Variants in RYR2 observed in about 807,000 individuals in gnomAD.
RYR2 encodes ryanodine receptor 2.
RYR2 carries 227 observed loss-of-function variants against 601.1 expected under a neutral mutation model. The ratio of observed to expected loss-of-function variants is 0.38; its 90% CI spans 0.34 to 0.42. The LOEUF (loss-of-function observed/expected upper bound fraction) is 0.42. Ranked by LOEUF, RYR2 falls within the 10% of genes least tolerant of loss-of-function variation. RYR2 has a pLI of 1.00. For synonymous variants in RYR2, 2,223 were observed against 2,175.1 expected, an observed-to-expected ratio of 1.02 and a Z score of -0.61; for missense variants, 4,646 against 6,156.5, an observed-to-expected ratio of 0.75 and a Z score of 8.21.
At chr1:237,624,714 A>T (rs1189340891) in intron 39 of RYR2, among the ~76,000 whole-genome samples, 4 of 152,174 alleles carry the variant, frequency 2.6e-5, no homozygotes, top group Non-Finnish European at 5.9e-5. Context: ...TAAGAACTTT[A>T]AAAATGGAAT....
At position 237,496,459 on chromosome 1, in the gene RYR2, A is replaced by C; in HGVS notation, c.1962-52A>C. The C allele has an allele frequency of 2.5e-6, 4 of 1,597,648 alleles. No individual in the cohort carries two copies. In the South Asian group the frequency reaches 4.5e-5, roughly 18 times the overall value. On this transcript the variant is annotated intron_variant, in intron 19 of 104. Transcript: ENST00000366574. Reference sequence around the variant, plus strand: ...GAAATTGTGAGATGTAAATGAAAACAATGAAAGGTTTTTTTGGACTTTCCT... The same window carrying C: ...GAAATTGTGAGATGTAAATGAAAACCATGAAAGGTTTTTTTGGACTTTCCT...
chr1:237,710,045 T>C (rs1409734294), intron 70 of RYR2, among the ~76,000 whole-genome samples: 1 of 152,228 alleles, frequency 6.6e-6, no homozygotes, highest in Non-Finnish European at 1.5e-5. Flanking sequence ...AAAATAAAGC[T>C]TCTTTCTACT....
chr1:237,719,057 A>G (rs931611379), intron 73 of RYR2, among the ~76,000 whole-genome samples: 5 of 152,168 alleles, frequency 3.3e-5, no homozygotes, highest in African/African-American at 1.2e-4. Flanking sequence ...TGAGCCCAAG[A>G]GTTTGAGCCT....
Position 237,319,927 on chromosome 1 carries a change from T to C in RYR2, c.169-10951T>C, listed in dbSNP as rs150043728. Among the ~76,000 whole-genome samples the C allele has an allele frequency of 5.0e-4, 76 of 152,268 alleles. No homozygotes were observed. The East Asian group carries it at 0.014, about 28-fold the overall frequency. The stretch of plus-strand genomic sequence containing the variant: ...ATGGTGCAGTGTGCATGGCATCTGC[T>C]CCAAATCAAGTGAGTTCCCTTTGAC... On this transcript the variant is annotated intron_variant, in intron 2 of 104. Transcript: ENST00000366574.
intron 1 of RYR2, among the ~76,000 whole-genome samples, chr1:237,246,414 G>A (rs1049032650): frequency 1.5e-4 from 23 of 152,066 alleles, no homozygotes; most frequent in Non-Finnish European, 2.9e-4. Context: ...TTCTTTTCTC[G>A]GTTGTTTTGT....
intron 4 of RYR2, among the ~76,000 whole-genome samples, chr1:237,362,042 T>A (rs189418359): frequency 1.3e-5 from 2 of 152,340 alleles, no homozygotes; most frequent in East Asian, 3.9e-4. Flanking sequence ...TGTTAAAATG[T>A]AGCAATAGCA....
At chr1:237,598,453 T>A (rs928882388) in intron 34 of RYR2, among the ~76,000 whole-genome samples, 4 of 152,218 alleles carry the variant, frequency 2.6e-5, no homozygotes, top group Non-Finnish European at 5.9e-5. Context: ...TAAGATGATA[T>A]CGTATATATT....
intron 1 of RYR2, among the ~76,000 whole-genome samples, chr1:237,255,103 A>G (rs1178335135): frequency 6.6e-6 from 1 of 152,218 alleles, no homozygotes; most frequent in Non-Finnish European, 1.5e-5. Context: ...AGCAATCTTC[A>G]ATGCCAACTG....
intron 63 of RYR2, among the ~76,000 whole-genome samples, chr1:237,695,339 TA>T (rs1304644036): frequency 6.6e-6 from 1 of 152,190 alleles, no homozygotes; most frequent in African/African-American, 2.4e-5. Context: ...GATGCACTGA[TA>T]TAAATACACA....
chr1:237,758,892 GT>G (rs1315707666), intron 82 of RYR2, among the ~76,000 whole-genome samples: 1 of 152,138 alleles, frequency 6.6e-6, no homozygotes, highest in African/African-American at 2.4e-5. Context: ...TTGCTTTAGC[GT>G]TTTTTTACAT....
At chr1:237,395,728 A>G (rs928947274) in intron 10 of RYR2, among the ~76,000 whole-genome samples, 1 of 151,632 alleles carries the variant, frequency 6.6e-6, no homozygotes, top group Non-Finnish European at 1.5e-5. Context: ...TTGTATTTTT[A>G]GTAGAGATGG....
intron 54 of RYR2, among the ~76,000 whole-genome samples, chr1:237,659,606 T>C (rs1173879488): frequency 6.6e-6 from 1 of 152,196 alleles, no homozygotes; most frequent in Middle Eastern, 3.2e-3. Flanking sequence ...ATAAATATCC[T>C]TGGGACCATG....
chr1:237,661,236 T>G (rs1312068569), intron 56 of RYR2, among the ~76,000 whole-genome samples: 2 of 151,748 alleles, frequency 1.3e-5, no homozygotes, highest in African/African-American at 4.8e-5. Context: ...CTCAGCAAAC[T>G]AACACAGGAA....
intron 5 of RYR2, among the ~76,000 whole-genome samples, chr1:237,368,220 C>T (rs191232972): frequency 6.6e-6 from 1 of 152,230 alleles, no homozygotes; most frequent in African/African-American, 2.4e-5. Context: ...AAGTTTCATT[C>T]CATTCTTATA....
At chr1:237,352,866 A>G in intron 3 of RYR2, 1 of 515,818 alleles carries the variant, frequency 1.9e-6, no homozygotes, top group South Asian at 1.4e-5. Flanking sequence ...ATAGGTATAC[A>G]AGGGTGGGTG....
chr1:237,750,884 C>G lies in RYR2; in HGVS notation c.11146-5404C>G, dbSNP rs375909717. ...CAGAAAAATCCTCTTCCCAGCTAGA[C>G]AGATAATTCTTGGCAGGGAATTTGG... On this transcript the variant is annotated intron_variant, in intron 80 of 104. Coordinates refer to ENST00000366574, the MANE Select transcript of RYR2 (RefSeq NM_001035.3). Among the ~76,000 whole-genome samples, 18 of 152,172 alleles carry G rather than the reference C, an allele frequency of 1.2e-4. No homozygotes were observed. In the East Asian group the frequency reaches 2.1e-3, roughly 18 times the overall value.
intron 1 of RYR2, among the ~76,000 whole-genome samples, chr1:237,122,967 G>A (rs868520286): frequency 6.6e-6 from 1 of 152,178 alleles, no homozygotes; most frequent in South Asian, 2.1e-4. Context: ...GAAAAGACAT[G>A]TATATCTTCT....
chr1:237,552,159 A>G (rs1670466687), intron 27 of RYR2, among the ~76,000 whole-genome samples: 1 of 152,174 alleles, frequency 6.6e-6, no homozygotes, highest in South Asian at 2.1e-4. Flanking sequence ...ATTATGAATC[A>G]GTTGCTGTTA....
At chr1:237,143,576 C>T (rs367758056) in intron 1 of RYR2, among the ~76,000 whole-genome samples, 15 of 152,086 alleles carry the variant, frequency 9.9e-5, no homozygotes, top group African/African-American at 2.9e-4. Flanking sequence ...CAGAACTTAC[C>T]GTGTAGAGTT....
Sources: gnomAD v4.1 joint callset for allele counts (sites outside exome capture counted in the v4.1 genomes callset) on GRCh38, gnomAD v4.1.1 for gene constraint, MANE v1.5 for transcripts, NCBI Gene and HGNC (gene_info 2026-07-23, HGNC 2026-07-21) for gene names.